Variants in PLAAT1 observed in about 807,000 individuals in gnomAD.
PLAAT1 encodes the protein H-REV107 protein-related protein.
PLAAT1 carries 13 observed loss-of-function variants against 16.4 expected under a neutral mutation model. That is an observed-to-expected ratio of 0.79 (90% CI 0.52 to 1.26). The LOEUF is 1.26. PLAAT1 is among the 50% of genes most tolerant of loss of function. The probability of loss-of-function intolerance (pLI) is 0.00; values close to 1 mark genes in which losing one functional copy is unlikely to be tolerated. For synonymous variants in PLAAT1, 73 were observed against 78.4 expected (o/e 0.93, Z 0.36); for missense variants, 218 against 207.8 (o/e 1.05, Z -0.30).
At chr3:193,241,594 C>CA (rs1450172366) in intron 1 of PLAAT1, 61 bp downstream of exon 1, 1 of 1,168,128 alleles carries the variant, frequency 8.6e-7, no homozygotes. Context: ...GTGTTCTAAC[C>CA]AACTGGCAAG....
intron 1 of PLAAT1, among the ~76,000 whole-genome samples, chr3:193,251,350 C>T (rs1426258016): frequency 6.6e-6 from 1 of 152,084 alleles, no homozygotes; most frequent in Non-Finnish European, 1.5e-5. Flanking sequence ...GAGGTTTATT[C>T]TTTTTTTGCT....
At chr3:193,246,642 A>G (rs1841758) in intron 1 of PLAAT1, among the ~76,000 whole-genome samples, 137,528 of 152,244 alleles carry the variant, frequency 0.9, 62,339 homozygotes, top group East Asian at 0.98. Flanking sequence ...GATTACAAGC[A>G]TGAGCCACAG....
At chr3:193,270,331 G>A (rs1405478831) in intron 3 of PLAAT1, among the ~76,000 whole-genome samples, 2 of 152,182 alleles carry the variant, frequency 1.3e-5, no homozygotes, top group African/African-American at 4.8e-5. Flanking sequence ...AATGGGAACT[G>A]TGTTCATAAT....
intron 2 of PLAAT1, 87 bp downstream of exon 2, chr3:193,255,876 C>T (rs1716356209): frequency 1.0e-5 from 12 of 1,183,722 alleles, no homozygotes; most frequent in Admixed American, 2.8e-5. Context: ...ATAAACAAAA[C>T]AAAATCGAAA....
chr3:193,271,264 C>T (rs1050662857), downstream of PLAAT1, among the ~76,000 whole-genome samples: 2 of 152,124 alleles, frequency 1.3e-5, no homozygotes, highest in African/African-American at 4.8e-5. Context: ...AGGCTGTTTG[C>T]TCCAGGGTTT....
At chr3:193,241,150 G>T, upstream of PLAAT1, 4 of 1,162,352 alleles carry the variant, frequency 3.4e-6, no homozygotes, top group East Asian at 3.4e-5. Flanking sequence ...GCGAAGCTGG[G>T]CTCGGGGCCA....
At chr3:193,272,904 G>A (rs1717031342), downstream of PLAAT1, among the ~76,000 whole-genome samples, 1 of 152,160 alleles carries the variant, frequency 6.6e-6, no homozygotes, top group South Asian at 2.1e-4. Flanking sequence ...TCCTATAGGT[G>A]ATTATTTGAT....
At position 193,255,636 on chromosome 3, in the gene PLAAT1, T is replaced by TCCA; in HGVS notation, c.1-15_1-14insCCA. On this transcript the variant is annotated splice_polypyrimidine_tract_variant and intron_variant, in intron 1 of 3. Coordinates refer to ENST00000264735, the MANE Select transcript of PLAAT1 (RefSeq NM_020386.5). ...AGTTGTATTAGCTAGCTCTTCTTTG[T>TCCA]ATTTGTCATTGCAGATGGCGTTTAA... 1 of 1,594,554 alleles carries TCCA rather than the reference T, an allele frequency of 6.3e-7. No homozygotes were observed.
chr3:193,275,137 T>TCA, downstream of PLAAT1: 1 of 1,614,234 alleles, frequency 6.2e-7, no homozygotes, highest in East Asian at 2.2e-5. Flanking sequence ...CCTCCGTTGA[T>TCA]GTAGAATCCA....
downstream of PLAAT1, among the ~76,000 whole-genome samples, chr3:193,278,072 G>A (rs1717307715): frequency 1.3e-5 from 2 of 152,160 alleles, no homozygotes; most frequent in African/African-American, 2.4e-5. Context: ...CTAGAGTGCA[G>A]GGATTACAGG....
chr3:193,252,724 A>G (rs1716236585), intron 1 of PLAAT1, among the ~76,000 whole-genome samples: 1 of 152,168 alleles, frequency 6.6e-6, no homozygotes. Flanking sequence ...TTTTTGTATG[A>G]AGTATGAAAT....
At chr3:193,278,412 G>T (rs962089477), downstream of PLAAT1, among the ~76,000 whole-genome samples, 9 of 152,054 alleles carry the variant, frequency 5.9e-5, no homozygotes, top group Non-Finnish European at 1.3e-4. Context: ...ATCCATCCAT[G>T]CCTGCCTTTA....
intron 3 of PLAAT1, among the ~76,000 whole-genome samples, chr3:193,267,809 A>G (rs899973869): frequency 1.3e-5 from 2 of 152,204 alleles, no homozygotes; most frequent in Admixed American, 6.5e-5. Context: ...GAATGAATGT[A>G]TCTTTTCACA....
At chr3:193,257,620 A>T (rs1716426907) in intron 2 of PLAAT1, among the ~76,000 whole-genome samples, 1 of 152,198 alleles carries the variant, frequency 6.6e-6, no homozygotes, top group Admixed American at 6.5e-5. Context: ...TCGATGAGTG[A>T]TGCTTAATAT....
Position 193,255,642 on chromosome 3 carries a change from T to C in PLAAT1, c.1-9T>C. 6.2e-7 allele frequency: 1 copy of C among 1,600,224 alleles called. No individual in the cohort carries two copies. The highest frequency in any genetic ancestry group is 1.1e-5 in the South Asian group (1 of 89,130). ...ATTAGCTAGCTCTTCTTTGTATTTG[T>C]CATTGCAGATGGCGTTTAATGATTG... On this transcript the variant is annotated splice_polypyrimidine_tract_variant and intron_variant, in intron 1 of 3. Coordinates refer to ENST00000264735, the MANE Select transcript of PLAAT1 (RefSeq NM_020386.5).
At chr3:193,259,786 G>A (rs775234614) in intron 2 of PLAAT1, among the ~76,000 whole-genome samples, 7 of 152,106 alleles carry the variant, frequency 4.6e-5, no homozygotes, top group Admixed American at 2.0e-4. Flanking sequence ...ATATTAAAAT[G>A]TTCATATTGC....
intron 1 of PLAAT1, among the ~76,000 whole-genome samples, chr3:193,252,206 A>G (rs1716217573): frequency 2.0e-5 from 3 of 152,150 alleles, no homozygotes; most frequent in African/African-American, 7.2e-5. Context: ...GGGAGGCACC[A>G]CACTCTTTTA....
Position 193,241,457 on chromosome 3 carries a change from C to T in PLAAT1, c.-77C>T. 1 of 1,231,904 alleles carries T rather than the reference C, an allele frequency of 8.1e-7. No individual in the cohort carries two copies. The highest frequency in any genetic ancestry group is 1.0e-6 in the Non-Finnish European group (1 of 988,116). 76.3% of individuals were successfully genotyped at this position (1,231,904 alleles called of 1,614,324 possible). A position where few individuals can be genotyped will look rare whatever the true frequency, so the allele number is the denominator to read the frequency against. On this transcript the variant is annotated 5_prime_UTR_variant, in exon 1 of 4. Transcript: ENST00000264735. ...CGGCCGCCGGCGGCAAGGTCGGCAG[C>T]TGCGAGGCCAAGAGAGACCCCAGGA...
chr3:193,262,260 G>A (rs373275446), intron 2 of PLAAT1, among the ~76,000 whole-genome samples: 5 of 152,034 alleles, frequency 3.3e-5, no homozygotes, highest in Admixed American at 1.3e-4. Context: ...GGGCATTGTC[G>A]TAAGTGGGTA....
Sources: gnomAD v4.1 joint callset for allele counts (sites outside exome capture counted in the v4.1 genomes callset) on GRCh38, gnomAD v4.1.1 for gene constraint, MANE v1.5 for transcripts, NCBI Gene and HGNC (gene_info 2026-07-23, HGNC 2026-07-21) for gene names.